The following WDR70 variants were observed in gnomAD, a reference collection of about 807,000 sequenced individuals.
WDR70 encodes the protein WD repeat-containing protein 70.
In WDR70, 53 loss-of-function variants were observed where a neutral mutation model predicts 88.6. The observed-to-expected ratio is 0.60, with a 90% CI of 0.48 to 0.75. The LOEUF (loss-of-function observed/expected upper bound fraction) is 0.75. Ranked by LOEUF, WDR70 falls within the 30% of genes least tolerant of loss-of-function variation. The pLI is 0.00. For synonymous variants in WDR70, 280 were observed against 270.0 expected, an observed-to-expected ratio of 1.04 and a Z score of -0.36; for missense variants, 610 against 823.2, an observed-to-expected ratio of 0.74 and a Z score of 3.17.
intron 7 of WDR70, among the ~76,000 whole-genome samples, chr5:37,477,626 C>T (rs1739527949): frequency 6.6e-6 from 1 of 152,140 alleles, no homozygotes; most frequent in Non-Finnish European, 1.5e-5. Flanking sequence ...GCCAAACTGG[C>T]CAAGTCACTT....
At chr5:37,444,689 C>T (rs1738404429) in intron 7 of WDR70, among the ~76,000 whole-genome samples, 1 of 152,112 alleles carries the variant, frequency 6.6e-6, no homozygotes, top group Non-Finnish European at 1.5e-5. Flanking sequence ...GATCTTCTGG[C>T]ATATTGCTTT....
intron 3 of WDR70, among the ~76,000 whole-genome samples, chr5:37,388,426 CTTTTT>C (rs34629371): frequency 7.2e-6 from 1 of 138,746 alleles, no homozygotes; most frequent in Non-Finnish European, 1.5e-5. Context: ...GAAATACAGA[CTTTTT>C]TTTTTTTTTA....
intron 9 of WDR70, among the ~76,000 whole-genome samples, chr5:37,594,956 T>C (rs889836671): frequency 2.0e-5 from 3 of 152,220 alleles, no homozygotes; most frequent in Non-Finnish European, 4.4e-5. Context: ...TTTATTTGTG[T>C]ATAGGAATGC....
chr5:37,644,660 A>G (rs1175633731), intron 10 of WDR70, among the ~76,000 whole-genome samples: 2 of 151,736 alleles, frequency 1.3e-5, no homozygotes, highest in East Asian at 1.9e-4. Flanking sequence ...ATTATTTGTT[A>G]TTGTTCTGTT....
chr5:37,517,955 C>A (rs35796036), intron 9 of WDR70, among the ~76,000 whole-genome samples: 5,217 of 149,590 alleles, frequency 0.035, 308 homozygotes, highest in African/African-American at 0.12. Context: ...ACTCTTGTCA[C>A]CCTGGCTGGA....
At chr5:37,529,077 G>A (rs923296367) in intron 9 of WDR70, among the ~76,000 whole-genome samples, 2 of 152,094 alleles carry the variant, frequency 1.3e-5, no homozygotes, top group East Asian at 3.9e-4. Context: ...ATTGAATAGA[G>A]TGTCTTTTCC....
chr5:37,612,563 G>A (rs772994974), intron 10 of WDR70, among the ~76,000 whole-genome samples: 21 of 152,088 alleles, frequency 1.4e-4, no homozygotes, highest in African/African-American at 2.4e-4. Flanking sequence ...GCTGGTCTTC[G>A]TCTTTTTTCT....
At chr5:37,475,289 G>C (rs1033870384) in intron 7 of WDR70, among the ~76,000 whole-genome samples, 11 of 151,846 alleles carry the variant, frequency 7.2e-5, no homozygotes, top group Admixed American at 4.6e-4. Context: ...AGGCTGGAGT[G>C]CAATGGCGCA....
At chr5:37,691,999 C>T (rs2112638652) in intron 10 of WDR70, among the ~76,000 whole-genome samples, 1 of 152,062 alleles carries the variant, frequency 6.6e-6, no homozygotes, top group Non-Finnish European at 1.5e-5. Context: ...ATCAAATAGA[C>T]ACAATAAAAA....
intron 8 of WDR70, among the ~76,000 whole-genome samples, chr5:37,490,634 G>A (rs1029222234): frequency 3.3e-5 from 5 of 152,136 alleles, no homozygotes; most frequent in Admixed American, 3.3e-4. Flanking sequence ...TGCAGCAGCA[G>A]GCAGGGAGAG....
At chr5:37,496,403 C>G (rs1298184686) in intron 8 of WDR70, among the ~76,000 whole-genome samples, 1 of 152,122 alleles carries the variant, frequency 6.6e-6, no homozygotes, top group African/African-American at 2.4e-5. Flanking sequence ...TCAGCCAGAC[C>G]ACGAACCCAC....
rs1188797560 is a variant in WDR70, at chr5:37,379,391, A to G, written c.24A>G (p.Glu8=). 1.2e-6 allele frequency: 2 copies of G among 1,613,498 alleles called. No homozygotes were observed. The highest frequency in any genetic ancestry group is 1.3e-5 in the African/African-American group (1 of 74,916). The change falls in exon 1 of 18, where the codon GAA becomes GAG. Residue 8 remains glutamate (E), a splice_region_variant and synonymous_variant. Coordinates refer to ENST00000265107, the MANE Select transcript of WDR70 (RefSeq NM_018034.4). The stretch of plus-strand genomic sequence containing the variant: ...CCATGGAGCGCTCTGGGCCCAGCGA[A>G]GGTGGGTTTCATGAGGCGAGTCCGG... The part of the protein sequence containing the change: MERSGPS[E]VTGSDASGPD...
intron 9 of WDR70, among the ~76,000 whole-genome samples, chr5:37,588,963 C>T (rs1743443676): frequency 6.6e-6 from 1 of 152,012 alleles, no homozygotes; most frequent in Non-Finnish European, 1.5e-5. Context: ...CGGGGTTTCA[C>T]CATGTTGGCC....
At chr5:37,715,316 G>A (rs1321216775) in intron 13 of WDR70, among the ~76,000 whole-genome samples, 6 of 132,882 alleles carry the variant, frequency 4.5e-5, no homozygotes, top group South Asian at 2.6e-4. Context: ...AGGGAAGGGA[G>A]AAGATTGAGA....
At chr5:37,560,809 A>ATTTTTT (rs397885116) in intron 9 of WDR70, among the ~76,000 whole-genome samples, 3 of 130,980 alleles carry the variant, frequency 2.3e-5, no homozygotes, top group Non-Finnish European at 3.2e-5. Flanking sequence ...GCAGAAGCAG[A>ATTTTTT]TTTTTTTTTT....
intron 5 of WDR70, among the ~76,000 whole-genome samples, chr5:37,429,687 C>T (rs1452834753): frequency 6.6e-6 from 1 of 152,162 alleles, no homozygotes; most frequent in Non-Finnish European, 1.5e-5. Context: ...CATTGATATG[C>T]ATGGCCATTC....
intron 10 of WDR70, among the ~76,000 whole-genome samples, chr5:37,681,783 T>G (rs1019444066): frequency 6.6e-5 from 10 of 152,190 alleles, no homozygotes; most frequent in African/African-American, 2.4e-4. Context: ...GAGGCCTGCT[T>G]GATTGTGGTG....
At chr5:37,715,069 G>A (rs1456018874) in intron 13 of WDR70, among the ~76,000 whole-genome samples, 1 of 152,116 alleles carries the variant, frequency 6.6e-6, no homozygotes, top group African/African-American at 2.4e-5. Flanking sequence ...GACTGTAAAT[G>A]AGTTATTTTA....
intron 9 of WDR70, among the ~76,000 whole-genome samples, chr5:37,589,802 A>G (rs963704055): frequency 6.6e-6 from 1 of 152,060 alleles, no homozygotes. Context: ...GGGTTTCGCC[A>G]TGTTGCCCAG....
Sources: gnomAD v4.1 joint callset for allele counts (sites outside exome capture counted in the v4.1 genomes callset) on GRCh38, gnomAD v4.1.1 for gene constraint, MANE v1.5 for transcripts, NCBI Gene and HGNC (gene_info 2026-07-23, HGNC 2026-07-21) for gene names.